The following ANKRD33B variants were observed in gnomAD, a reference collection of about 807,000 sequenced individuals.
ANKRD33B encodes ankyrin repeat domain 33B.
ANKRD33B carries 6 observed loss-of-function variants against 21.5 expected under a neutral mutation model. That is an observed-to-expected ratio of 0.28 (90% CI 0.15 to 0.55). The LOEUF is 0.55. ANKRD33B is among the 20% of genes least tolerant of loss of function. The pLI, the probability that ANKRD33B is intolerant of heterozygous loss-of-function variation, is 0.94. For synonymous variants in ANKRD33B, 347 were observed against 342.4 expected, an observed-to-expected ratio of 1.01 and a Z score of -0.15; for missense variants, 698 against 747.2, an observed-to-expected ratio of 0.93 and a Z score of 0.77.
Position 10,650,343 on chromosome 5 carries a change from C to A in ANKRD33B, c.*230C>A, listed in dbSNP as rs528936142. The A allele has an allele frequency of 2.7e-6, 1 of 370,640 alleles. No individual in the cohort carries two copies. The highest frequency in any genetic ancestry group is 4.7e-6 in the Non-Finnish European group (1 of 213,258). 23.0% of individuals were successfully genotyped at this position (370,640 alleles called of 1,614,324 possible). On this transcript the variant is annotated 3_prime_UTR_variant, in exon 4 of 4. Transcript: ENST00000296657. ...CCTAGCAATCAGTACACCTAGCGGG[C>A]ACGTTGCCTAAAAGGCTCCCTTTAG...
At chr5:10,583,833 C>G (rs1735498079) in intron 1 of ANKRD33B, among the ~76,000 whole-genome samples, 1 of 152,220 alleles carries the variant, frequency 6.6e-6, no homozygotes, top group Non-Finnish European at 1.5e-5. Flanking sequence ...AAATGCTTCT[C>G]TCTTTGTGAT....
intron 1 of ANKRD33B, among the ~76,000 whole-genome samples, chr5:10,600,137 A>G (rs1285774350): frequency 6.6e-6 from 1 of 152,246 alleles, no homozygotes; most frequent in East Asian, 1.9e-4. Context: ...CTTATTCAGC[A>G]TTTGTATGTC....
rs1382670856 is a variant in ANKRD33B at position 10,628,635 on chromosome 5, C to T, written c.497-9393C>T. ...GGGATTACAGGCACGAGCCACCTTG[C>T]CCACCCTGATACTTTCAATAAATAA... On this transcript the variant is annotated intron_variant, in intron 2 of 3. Transcript: ENST00000296657. 3.9e-5 allele frequency among the ~76,000 whole-genome samples: 6 copies of T among 152,304 alleles called. No homozygotes were observed. In the East Asian group the frequency reaches 1.2e-3, roughly 29 times the overall value.
intron 3 of ANKRD33B, among the ~76,000 whole-genome samples, chr5:10,641,446 C>A (rs186877560): frequency 1.4e-4 from 21 of 152,074 alleles, no homozygotes; most frequent in Admixed American, 1.4e-3. Context: ...CCAGGTTGGT[C>A]TTGAACTCCT....
intron 1 of ANKRD33B, among the ~76,000 whole-genome samples, chr5:10,595,213 C>T (rs577037875): frequency 6.6e-6 from 1 of 152,168 alleles, no homozygotes; most frequent in African/African-American, 2.4e-5. Context: ...GGAGGAGCGG[C>T]CTGGGGGACA....
chr5:10,641,995 A>G (rs1737073414), intron 3 of ANKRD33B, among the ~76,000 whole-genome samples: 1 of 152,184 alleles, frequency 6.6e-6, no homozygotes, highest in Admixed American at 6.5e-5. Flanking sequence ...AGCTTCAGAC[A>G]CTTTTACTAT....
At chr5:10,594,806 G>A (rs1210254701) in intron 1 of ANKRD33B, among the ~76,000 whole-genome samples, 1 of 152,224 alleles carries the variant, frequency 6.6e-6, no homozygotes, top group Non-Finnish European at 1.5e-5. Flanking sequence ...AACCTTGTGT[G>A]TGGGTCCTTC....
At chr5:10,589,584 C>T (rs1008356686) in intron 1 of ANKRD33B, among the ~76,000 whole-genome samples, 1 of 152,236 alleles carries the variant, frequency 6.6e-6, no homozygotes, top group African/African-American at 2.4e-5. Context: ...TTTCATATCA[C>T]ATGTTTACTA....
At position 10,638,091 on chromosome 5, in the gene ANKRD33B, A is replaced by G. The variant is rs1736914133; in HGVS notation, c.560A>G (p.Asn187Ser). Residue 187 changes from asparagine to serine, a missense_variant, in exon 3 of 4, where the codon AAC (asparagine) becomes AGC (serine). Asn to Ser is a conservative substitution (Grantham distance 46). Transcript: ENST00000296657. ...CCTGGTCTTGACCTTGAAAGGAGGA[A>G]CGCGTTCGGGTTCACCGCCCTGATG... The part of the protein sequence containing the change: ...YFPGLDLERR[N>S]AFGFTALMKA... 6.5e-7 allele frequency: 1 copy of G among 1,537,554 alleles called. No homozygotes were observed. Among genetic ancestry groups the G allele is most frequent in the East Asian group, 2.4e-5 (1 of 41,050 alleles).
At chr5:10,605,230 G>T (rs1036295703) in intron 1 of ANKRD33B, among the ~76,000 whole-genome samples, 12 of 152,220 alleles carry the variant, frequency 7.9e-5, no homozygotes, top group African/African-American at 2.9e-4. Context: ...GATCTTTTAG[G>T]ATCTGGCCTT....
At chr5:10,582,538 T>C (rs375879702) in intron 1 of ANKRD33B, among the ~76,000 whole-genome samples, 2 of 152,242 alleles carry the variant, frequency 1.3e-5, no homozygotes, top group African/African-American at 4.8e-5. Context: ...CTTTTTTATT[T>C]TCTTTTTAAC....
chr5:10,637,369 T>G (rs1423167390), intron 2 of ANKRD33B, among the ~76,000 whole-genome samples: 1 of 150,724 alleles, frequency 6.6e-6, no homozygotes, highest in African/African-American at 2.5e-5. Context: ...CTTTGCTTTA[T>G]AGCTGAGGGC....
At chr5:10,628,140 C>T (rs1736624413) in intron 2 of ANKRD33B, 2 of 152,328 alleles carry the variant, frequency 1.3e-5, no homozygotes, top group South Asian at 4.1e-4. Context: ...CTTAGACAAC[C>T]CAATTCTGTA....
intron 2 of ANKRD33B, among the ~76,000 whole-genome samples, chr5:10,632,706 C>G (rs1736754917): frequency 3.3e-5 from 5 of 152,260 alleles, no homozygotes; most frequent in Admixed American, 1.3e-4. Flanking sequence ...CCAGGCCGCA[C>G]AGCCAGCTGT....
intron 2 of ANKRD33B, chr5:10,624,736 G>T (rs1736505237): frequency 2.2e-6 from 1 of 456,626 alleles, no homozygotes; most frequent in African/African-American, 2.0e-5. Context: ...GGCTGCCCCT[G>T]TCCCCATGGG....
intron 1 of ANKRD33B, among the ~76,000 whole-genome samples, chr5:10,605,171 C>A (rs563630975): frequency 2.0e-4 from 31 of 152,312 alleles, no homozygotes; most frequent in African/African-American, 7.2e-4. Flanking sequence ...GCGTGGCGGC[C>A]GGCTTCCTCA....
At chr5:10,591,835 T>A (rs921925857) in intron 1 of ANKRD33B, among the ~76,000 whole-genome samples, 6 of 152,298 alleles carry the variant, frequency 3.9e-5, no homozygotes, top group African/African-American at 1.4e-4. Context: ...TCTGTGAATG[T>A]CACTAATCTT....
At chr5:10,568,280 G>T (rs1236468316) in intron 1 of ANKRD33B, among the ~76,000 whole-genome samples, 1 of 152,154 alleles carries the variant, frequency 6.6e-6, no homozygotes, top group East Asian at 1.9e-4. Flanking sequence ...TGGTTGTTTT[G>T]TTCCTTCTGA....
chr5:10,575,191 G>A (rs1735291019), intron 1 of ANKRD33B, among the ~76,000 whole-genome samples: 2 of 148,866 alleles, frequency 1.3e-5, no homozygotes, highest in African/African-American at 4.9e-5. Flanking sequence ...TTGGGAGGCC[G>A]AGGTGGGCGG....
Sources: gnomAD v4.1 joint callset for allele counts (sites outside exome capture counted in the v4.1 genomes callset) on GRCh38, gnomAD v4.1.1 for gene constraint, MANE v1.5 for transcripts, NCBI Gene and HGNC (gene_info 2026-07-23, HGNC 2026-07-21) for gene names.